FOXP2: variants seen among roughly 807,000 people sequenced by gnomAD.
FOXP2 encodes forkhead box protein P2.
A neutral mutation model predicts 115.8 loss-of-function variants in FOXP2; 12 were observed. That is an observed-to-expected ratio of 0.10 (90% CI 0.07 to 0.17). FOXP2 has a LOEUF of 0.17. FOXP2 is among the 10% of genes least tolerant of loss of function. The pLI is 1.00. For missense variants in FOXP2, 629 were observed against 843.5 expected, an observed-to-expected ratio of 0.75 and a Z score of 3.15; for synonymous variants, 328 against 297.7, an observed-to-expected ratio of 1.10 and a Z score of -1.05.
At chr7:114,655,992 T>G (rs1806564760) in intron 10 of FOXP2, among the ~76,000 whole-genome samples, 1 of 152,180 alleles carries the variant, frequency 6.6e-6, no homozygotes, top group African/African-American at 2.4e-5. Flanking sequence ...TCATCCTAGC[T>G]TTTACATGCT....
chr7:114,423,011 G>A (rs1360704489), intron 1 of FOXP2, among the ~76,000 whole-genome samples: 1 of 151,656 alleles, frequency 6.6e-6, no homozygotes, highest in Non-Finnish European at 1.5e-5. Context: ...ATAACAGGGA[G>A]TCATATACTA....
intron 2 of FOXP2, among the ~76,000 whole-genome samples, chr7:114,326,492 A>G (rs1291475996): frequency 6.6e-6 from 1 of 152,156 alleles, no homozygotes; most frequent in African/African-American, 2.4e-5. Flanking sequence ...GTAAAGCCCT[A>G]AGCTTCATCT....
chr7:114,445,426 C>A (rs1040832914), intron 2 of FOXP2, among the ~76,000 whole-genome samples: 7 of 152,106 alleles, frequency 4.6e-5, no homozygotes, highest in African/African-American at 1.7e-4. Context: ...GGATCAACTC[C>A]AACTTTACAA....
At chr7:114,289,436 G>A (rs1022728053) in intron 2 of FOXP2, among the ~76,000 whole-genome samples, 3 of 151,850 alleles carry the variant, frequency 2.0e-5, no homozygotes, top group Admixed American at 6.6e-5. Context: ...TTTTTGTGGT[G>A]AGTGGGGACA....
intron 16 of FOXP2, among the ~76,000 whole-genome samples, chr7:114,686,357 G>C (rs562786876): frequency 1.3e-5 from 2 of 152,106 alleles, no homozygotes; most frequent in East Asian, 3.9e-4. Flanking sequence ...ATTTTTATTA[G>C]AAACAGAGTT....
intron 1 of FOXP2, among the ~76,000 whole-genome samples, chr7:114,098,068 G>A (rs1312030239): frequency 6.6e-6 from 1 of 152,154 alleles, no homozygotes; most frequent in South Asian, 2.1e-4. Context: ...TGAAAAGTGG[G>A]GATAACAAGA....
intron 16 of FOXP2, among the ~76,000 whole-genome samples, chr7:114,680,367 T>C (rs939736827): frequency 3.9e-5 from 6 of 152,212 alleles, no homozygotes; most frequent in African/African-American, 1.2e-4. Context: ...ATATTCATTA[T>C]TTGCCAAATG....
intron 2 of FOXP2, among the ~76,000 whole-genome samples, chr7:114,516,858 G>A (rs1440515740): frequency 1.3e-5 from 2 of 152,022 alleles, no homozygotes; most frequent in East Asian, 1.9e-4. Flanking sequence ...ACCATGGCCA[G>A]CTAATTTTTG....
chr7:114,268,652 G>A (rs1342560931), intron 1 of FOXP2, among the ~76,000 whole-genome samples: 1 of 151,888 alleles, frequency 6.6e-6, no homozygotes, highest in Non-Finnish European at 1.5e-5. Flanking sequence ...AGCGTGTTCT[G>A]TTAGTGCTAC....
At chr7:114,418,115 T>C (rs2129201160) in intron 1 of FOXP2, among the ~76,000 whole-genome samples, 1 of 152,050 alleles carries the variant, frequency 6.6e-6, no homozygotes, top group South Asian at 2.1e-4. Context: ...GGTTATCTGT[T>C]TTTGTAGAGG....
intron 1 of FOXP2, among the ~76,000 whole-genome samples, chr7:114,273,456 TTA>T (rs1796115104): frequency 6.6e-6 from 1 of 152,078 alleles, no homozygotes; most frequent in Non-Finnish European, 1.5e-5. Flanking sequence ...CAGATGTTAC[TTA>T]TATCCAGTTG....
At chr7:114,519,973 G>T (rs1049315975) in intron 2 of FOXP2, among the ~76,000 whole-genome samples, 6 of 152,054 alleles carry the variant, frequency 3.9e-5, no homozygotes, top group Non-Finnish European at 7.4e-5. Flanking sequence ...CTGAAATCCA[G>T]TTTTAAAAAA....
chr7:114,486,542 G>A (rs1398579659), intron 2 of FOXP2, among the ~76,000 whole-genome samples: 1 of 152,056 alleles, frequency 6.6e-6, no homozygotes, highest in Non-Finnish European at 1.5e-5. Flanking sequence ...GTCCCCCAAA[G>A]TCTTAACTCA....
At chr7:114,470,846 G>A (rs1796013021) in intron 2 of FOXP2, among the ~76,000 whole-genome samples, 1 of 151,786 alleles carries the variant, frequency 6.6e-6, no homozygotes, top group Admixed American at 6.6e-5. Context: ...AGGGGAAGGG[G>A]GAGAGCATTT....
At chr7:114,674,781 T>C (rs892713241) in intron 16 of FOXP2, among the ~76,000 whole-genome samples, 2 of 152,156 alleles carry the variant, frequency 1.3e-5, no homozygotes, top group African/African-American at 2.4e-5. Flanking sequence ...AAATTTAGAA[T>C]GTAAAAATCT....
intron 2 of FOXP2, among the ~76,000 whole-genome samples, chr7:114,346,194 C>A (rs1380085444): frequency 6.6e-6 from 1 of 151,660 alleles, no homozygotes; most frequent in Non-Finnish European, 1.5e-5. Flanking sequence ...AACTAATTCA[C>A]ATGTATTTTA....
chr7:114,253,339 G>C (rs1169318259), intron 1 of FOXP2, among the ~76,000 whole-genome samples: 2 of 152,004 alleles, frequency 1.3e-5, no homozygotes, highest in African/African-American at 4.8e-5. Flanking sequence ...TCAATTCCTG[G>C]ATATCCTTGT....
At chr7:114,111,077 C>A (rs568435527) in intron 1 of FOXP2, among the ~76,000 whole-genome samples, 1 of 151,990 alleles carries the variant, frequency 6.6e-6, no homozygotes, top group Non-Finnish European at 1.5e-5. Flanking sequence ...GAAGTAACAG[C>A]CCTGTTAAGG....
Position 114,200,201 on chromosome 7 carries a change from AATTG to A in FOXP2, c.-102+37116_-102+37119del, listed in dbSNP as rs1180830275. Among the ~76,000 whole-genome samples, 4 of 152,174 alleles carry A rather than the reference AATTG, an allele frequency of 2.6e-5. No individual in the cohort carries two copies. The East Asian group carries it at 7.7e-4, about 29-fold the overall frequency. On this transcript the variant is annotated intron_variant, in intron 1 of 17. Coordinates refer to the FOXP2 transcript ENST00000634411. ...AAGTTATTTTCTTTAATGACAAGCT[AATTG>A]ATAAGAAAGCAACAATTCAATCAAT...
Sources: gnomAD v4.1 joint callset for allele counts (sites outside exome capture counted in the v4.1 genomes callset) on GRCh38, gnomAD v4.1.1 for gene constraint, MANE v1.5 for transcripts, NCBI Gene and HGNC (gene_info 2026-07-23, HGNC 2026-07-21) for gene names.